Variants in DRD3 observed in about 807,000 individuals in gnomAD.
DRD3 encodes dopamine receptor D3.
Under a neutral mutation model 36.3 loss-of-function variants are expected in DRD3, and 19 were observed. That is an observed-to-expected ratio of 0.52 (90% CI 0.36 to 0.77). DRD3 has a LOEUF of 0.77. DRD3 is among the 30% of genes least tolerant of loss of function. DRD3 has a pLI of 0.00. For missense variants in DRD3, 465 were observed against 505.3 expected (o/e 0.92, Z 0.77); for synonymous variants, 195 against 203.7 (o/e 0.96, Z 0.36).
intron 1 of DRD3, among the ~76,000 whole-genome samples, chr3:114,174,188 C>A (rs949689431): frequency 6.6e-6 from 1 of 152,218 alleles, no homozygotes; most frequent in Non-Finnish European, 1.5e-5. Flanking sequence ...AGCACCGCTG[C>A]TGCCAAGAGC....
At chr3:114,145,440 A>G (rs929149255) in intron 4 of DRD3, among the ~76,000 whole-genome samples, 9 of 152,244 alleles carry the variant, frequency 5.9e-5, no homozygotes, top group African/African-American at 2.2e-4. Context: ...GGTAAACAGT[A>G]ACGCAAAGAT....
At chr3:114,164,248 A>AAAAAAAAAAAAAAAAC in intron 2 of DRD3, among the ~76,000 whole-genome samples, 1 of 150,274 alleles carries the variant, frequency 6.7e-6, no homozygotes, top group African/African-American at 2.4e-5. Context: ...AAAAAAAAAA[A>AAAAAAAAAAAAAAAAC]AAAAGTGAAA....
At chr3:114,172,226 AGAG>A (rs1401707668) in intron 1 of DRD3, among the ~76,000 whole-genome samples, 199 bp from the exon 2 acceptor site, 2 of 152,260 alleles carry the variant, frequency 1.3e-5, no homozygotes, top group African/African-American at 4.8e-5. Flanking sequence ...CTCCCATTCT[AGAG>A]GAGAAGACAG....
At chr3:114,187,601 C>G (rs551868644) in intron 1 of DRD3, among the ~76,000 whole-genome samples, 31 of 152,268 alleles carry the variant, frequency 2.0e-4, no homozygotes, top group Admixed American at 1.8e-3. Context: ...CAGAGTAAAG[C>G]AAAATGACAG....
intron 4 of DRD3, among the ~76,000 whole-genome samples, chr3:114,147,110 G>C (rs1157402010): frequency 6.6e-6 from 1 of 151,654 alleles, no homozygotes; most frequent in East Asian, 1.9e-4. Context: ...TATATATCTT[G>C]GTTTTTTTAA....
chr3:114,181,327 A>T (rs1467935019), upstream of DRD3, among the ~76,000 whole-genome samples: 1 of 152,182 alleles, frequency 6.6e-6, no homozygotes, highest in Non-Finnish European at 1.5e-5. Context: ...CCCGTGGTGA[A>T]TGGGGAGGGA....
intron 3 of DRD3, among the ~76,000 whole-genome samples, chr3:114,150,650 A>T (rs2077608684): frequency 6.6e-6 from 1 of 152,166 alleles, no homozygotes; most frequent in Non-Finnish European, 1.5e-5. Context: ...TATAAGCTGG[A>T]TCTACCAATG....
chr3:114,163,104 G>T (rs2107870734), intron 2 of DRD3, among the ~76,000 whole-genome samples: 1 of 152,262 alleles, frequency 6.6e-6, no homozygotes, highest in African/African-American at 2.4e-5. Context: ...CTTGTCTCCT[G>T]ATTCTGCCAT....
In DRD3 at chr3:114,131,172, G is replaced by A. The variant is rs1303294486; in HGVS notation, c.952C>T (p.Arg318Trp). 5.6e-6 allele frequency: 9 copies of A among 1,614,016 alleles called. No homozygotes were observed. The highest frequency in any genetic ancestry group is 1.3e-5 in the African/African-American group (1 of 74,906). ...TSLKLGPLQP[R>W]GVPLREKKAT... ...TTCTTCTCCCGAAGTGGCACTCCCC[G>A]AGGTTGCAGGGGCCCCAGCTTCAAA... is the stretch of plus-strand genomic sequence containing the variant. Residue 318 changes from arginine to tryptophan, a missense_variant, in exon 6 of 7, where the codon CGG (arginine) becomes TGG (tryptophan). Coordinates refer to ENST00000383673, the MANE Select transcript of DRD3 (RefSeq NM_000796.6).
intron 1 of DRD3, among the ~76,000 whole-genome samples, chr3:114,174,885 G>T (rs948031816): frequency 3.9e-5 from 6 of 151,982 alleles, no homozygotes; most frequent in African/African-American, 1.5e-4. Flanking sequence ...AGAGCCTAGA[G>T]AATTCATTAA....
chr3:114,191,592 C>T (rs1185180739), intron 1 of DRD3, among the ~76,000 whole-genome samples: 2 of 152,192 alleles, frequency 1.3e-5, no homozygotes, highest in African/African-American at 4.8e-5. Context: ...TATGCAGGTA[C>T]CTCTTTCTTC....
At chr3:114,150,591 G>C (rs933955679) in intron 3 of DRD3, among the ~76,000 whole-genome samples, 1 of 152,196 alleles carries the variant, frequency 6.6e-6, no homozygotes, top group Admixed American at 6.5e-5. Flanking sequence ...CCTGTAAGAG[G>C]GGAAGGCTTC....
chr3:114,149,162 A>C (rs1383289238), intron 3 of DRD3, among the ~76,000 whole-genome samples: 1 of 152,210 alleles, frequency 6.6e-6, no homozygotes, highest in Non-Finnish European at 1.5e-5. Flanking sequence ...GAACAATAAA[A>C]AAGGAAACAA....
rs558145572 is a variant in DRD3 at position 114,155,284 on chromosome 3, G to A, written c.383+4471C>T. 6.5e-4 allele frequency among the ~76,000 whole-genome samples: 99 copies of A among 152,304 alleles called. 1 individual carries two copies. The highest frequency in any genetic ancestry group is 2.3e-3 in the African/African-American group (97 of 41,568). On this transcript the variant is annotated intron_variant, in intron 3 of 6. Transcript: ENST00000383673. ...AATGAACCCAGCTTTTCCAAGGCCT[G>A]TTTTCATTTCTAGAATAGGAGGGGG...
rs2077928895 is a variant in DRD3 at position 114,178,994 on chromosome 3, G to C, written c.-373C>G. On this transcript the variant is annotated 5_prime_UTR_variant, in exon 1 of 7. Transcript: ENST00000383673. ...TCCTTGGTGCTGAAAGAGGGATGGA[G>C]TAGGCATAGGCAGTATCCGTTTTCT... 6.6e-6 allele frequency: 1 copy of C among 152,208 alleles called. No homozygotes were observed. The highest frequency in any genetic ancestry group is 2.1e-4 in the South Asian group (1 of 4,836). 9.4% of individuals were successfully genotyped at this position (152,208 alleles called of 1,614,324 possible). A position where few individuals can be genotyped will look rare whatever the true frequency, so the allele number is the denominator to read the frequency against.
chr3:114,169,706 C>T (rs80102877), intron 2 of DRD3, among the ~76,000 whole-genome samples: 1,858 of 152,154 alleles, frequency 0.012, 24 homozygotes, highest in South Asian at 0.048. Context: ...TCTCACCTGC[C>T]CTTCTATGCT....
In DRD3 at chr3:114,140,389, T is replaced by G. The variant is rs2077514080; in HGVS notation, c.527-693A>C. On this transcript the variant is annotated intron_variant, in intron 4 of 6. Coordinates refer to ENST00000383673, the MANE Select transcript of DRD3 (RefSeq NM_000796.6). Reference sequence around the variant, plus strand: ...TTATATCCTGAAATGTTCCTGCCATTTCTCCTTGGGAGGTCCCTCTAGCTT... The same window carrying G: ...TTATATCCTGAAATGTTCCTGCCATGTCTCCTTGGGAGGTCCCTCTAGCTT... Among the ~76,000 whole-genome samples, 3 of 152,302 alleles carry G rather than the reference T, an allele frequency of 2.0e-5. No homozygotes were observed. In the South Asian group the frequency reaches 6.2e-4, roughly 32 times the overall value.
At chr3:114,144,225 A>G (rs557217636) in intron 4 of DRD3, among the ~76,000 whole-genome samples, 1 of 152,372 alleles carries the variant, frequency 6.6e-6, no homozygotes, top group South Asian at 2.1e-4. Flanking sequence ...TCTGTATCTT[A>G]TGTTCTCTAA....
intron 4 of DRD3, among the ~76,000 whole-genome samples, chr3:114,143,269 G>A (rs993078719): frequency 2.0e-5 from 3 of 152,246 alleles, no homozygotes; most frequent in Admixed American, 2.0e-4. Context: ...TAATGGAGAA[G>A]GCCTGTGCCG....
Sources: allele counts gnomAD v4.1 joint callset (sites outside exome capture counted in the v4.1 genomes callset), GRCh38; gene constraint gnomAD v4.1.1; transcripts MANE v1.5; gene names NCBI Gene and HGNC (gene_info 2026-07-23, HGNC 2026-07-21).